Variants in OTOG observed in about 807,000 individuals in gnomAD.
OTOG encodes the protein otogelin.
Under a neutral mutation model 313.8 loss-of-function variants are expected in OTOG, and 296 were observed. That is an observed-to-expected ratio of 0.94 (90% CI 0.86 to 1.04). OTOG has a LOEUF of 1.04. OTOG is among the 50% of genes least tolerant of loss of function. The pLI, the probability that OTOG is intolerant of heterozygous loss-of-function variation, is 0.00. For missense variants in OTOG, 3,948 were observed against 3,840.1 expected (o/e 1.03, Z -0.74); for synonymous variants, 1,533 against 1,554.9 (o/e 0.99, Z 0.33).
Position 17,642,129 on chromosome 11 carries a change from C to T in OTOG, c.8298C>T (p.Pro2766=), listed in dbSNP as rs569159135. 3.7e-5 allele frequency: 57 copies of T among 1,541,434 alleles called. No individual in the cohort carries two copies. The highest frequency in any genetic ancestry group is 6.9e-5 in the African/African-American group (5 of 72,870). The part of the protein sequence containing the change: ...FPNGTTSLFL[P]GASWIADCAR... ...TTACCTACTTCTGTGCCCTCCAGCC[C>T]GGGGCATCCTGGATCGCAGACTGCG... The change falls in exon 53 of 56, where the codon CCC becomes CCT. Residue 2766 remains proline (P), a splice_region_variant and synonymous_variant. Coordinates refer to ENST00000399397, the MANE Select transcript of OTOG (RefSeq NM_001292063.2).
intron 18 of OTOG, among the ~76,000 whole-genome samples, 176 bp downstream of exon 18, chr11:17,572,380 A>G (rs1852424152): frequency 6.6e-6 from 1 of 152,212 alleles, no homozygotes; most frequent in South Asian, 2.1e-4. Flanking sequence ...GGCAGGCAGG[A>G]AGCCTCATAT....
At chr11:17,623,482 C>CT in intron 39 of OTOG, among the ~76,000 whole-genome samples, 1 of 152,254 alleles carries the variant, frequency 6.6e-6, no homozygotes, top group African/African-American at 2.4e-5. Context: ...TGATCTCATT[C>CT]TTTTTTATGG....
chr11:17,554,373 G>A (rs1852010088), intron 6 of OTOG, among the ~76,000 whole-genome samples: 1 of 152,228 alleles, frequency 6.6e-6, no homozygotes, highest in Admixed American at 6.5e-5. Context: ...CTGGATTGGT[G>A]CTCAGTAAAG....
At chr11:17,589,098 G>T (rs554388132) in intron 24 of OTOG, among the ~76,000 whole-genome samples, 1 of 151,960 alleles carries the variant, frequency 6.6e-6, no homozygotes, top group Non-Finnish European at 1.5e-5. Context: ...CACAACCCTG[G>T]TGACATCCAC....
At chr11:17,561,946 G>A (rs960252412) in intron 15 of OTOG, 139 bp downstream of exon 15, 1 of 1,069,532 alleles carries the variant, frequency 9.3e-7, no homozygotes, top group African/African-American at 1.6e-5. Flanking sequence ...GAGAAGACTG[G>A]ACTCCAGCCC....
chr11:17,612,761 A>G lies in OTOG; in HGVS notation c.6434A>G (p.Asn2145Ser), dbSNP rs1377809113. The G allele has an allele frequency of 1.9e-6, 3 of 1,550,288 alleles. No homozygotes were observed. The highest frequency in any genetic ancestry group is 1.2e-5 in the South Asian group (1 of 84,012). ...TVHVLDCKSA[N>S]LGHLNWPPFC... ...CATGTACTGGACTGCAAAAGTGCCAACCTGGTGCCTGCCCCATACCTCCCT... is the reference window on the plus strand; with the variant it reads ...CATGTACTGGACTGCAAAAGTGCCAGCCTGGTGCCTGCCCCATACCTCCCT... The change falls in exon 38 of 56, where the codon AAC (asparagine) becomes AGC (serine). Residue 2145 changes from asparagine to serine, a missense_variant. Physicochemically the swap from Asn to Ser is conservative, Grantham distance 46. Transcript: ENST00000399397.
chr11:17,596,877 C>T lies in OTOG; in HGVS notation c.3552C>T (p.Asn1184=). 6.4e-7 allele frequency: 1 copy of T among 1,551,168 alleles called. No homozygotes were observed. ...TTGATGTCACTTGGTTTTACTCAAA[C>T]TGCCTGACAGACACATGTGGCTGCA... is the stretch of plus-strand genomic sequence containing the variant. ...PVVDVTWFYS[N]CLTDTCGCSQ... is the part of the protein sequence containing the mutation. The change falls in exon 30 of 56, where the codon AAC becomes AAT. Residue 1184 remains asparagine, a synonymous_variant. Transcript: ENST00000399397.
intron 15 of OTOG, among the ~76,000 whole-genome samples, chr11:17,563,558 G>A (rs919629318): frequency 1.3e-5 from 2 of 152,182 alleles, no homozygotes; most frequent in Admixed American, 6.5e-5. Context: ...TCAAAAGTGG[G>A]GTCATTCCCA....
chr11:17,635,176 C>T lies in OTOG; in HGVS notation c.7682C>T (p.Ser2561Phe), dbSNP rs1253205639. The T allele has an allele frequency of 6.5e-7, 1 of 1,544,614 alleles. No individual in the cohort carries two copies. The highest frequency in any genetic ancestry group is 1.4e-5 in the African/African-American group (1 of 72,972). ...TGRLGDSCCT[S>F]YFCACGDCPD... ...CGCCTGGGGGACTCCTGCTGCACCTCCTACTTCTGCGGTGGGTCGCCGCCA... is the reference window on the plus strand; with the variant it reads ...CGCCTGGGGGACTCCTGCTGCACCTTCTACTTCTGCGGTGGGTCGCCGCCA... The change falls in exon 46 of 56, where the codon TCC becomes TTC. Residue 2561 changes from serine to phenylalanine, a missense_variant. Ser to Phe is a radical substitution (Grantham distance 155). Coordinates refer to ENST00000399397, the MANE Select transcript of OTOG (RefSeq NM_001292063.2).
rs778219508 is a variant in OTOG, at chr11:17,639,391, T to C, written c.7895-32T>C. On this transcript the variant is annotated intron_variant, in intron 48 of 55. Transcript: ENST00000399397. ...GGGATTCCTACCTGGACATCCCTGATGAAGTGGGGCCTGGCCCCTTGTGTT... is the reference window on the plus strand; with the variant it reads ...GGGATTCCTACCTGGACATCCCTGACGAAGTGGGGCCTGGCCCCTTGTGTT... 6 of 1,550,376 alleles carry C rather than the reference T, an allele frequency of 3.9e-6. 1 individual carries two copies. In the South Asian group the frequency reaches 5.9e-5, roughly 15 times the overall value.
rs1165286117 is a variant in OTOG at position 17,635,148 on chromosome 11, G to A, written c.7654G>A (p.Gly2552Ser). 2 of 1,548,100 alleles carry A rather than the reference G, an allele frequency of 1.3e-6. No homozygotes were observed. Among genetic ancestry groups the A allele is most frequent in the Non-Finnish European group, 1.7e-6 (2 of 1,146,694 alleles). ...SCRQDQILIT[G>S]RLGDSCCTSY... ...CCGACAGGACCAGATCCTGATCACGGGCCGCCTGGGGGACTCCTGCTGCAC... is the reference window on the plus strand; with the variant it reads ...CCGACAGGACCAGATCCTGATCACGAGCCGCCTGGGGGACTCCTGCTGCAC... The change falls in exon 46 of 56, where the codon GGC becomes AGC. Residue 2552 changes from glycine to serine, a missense_variant. Physicochemically the swap from Gly to Ser is moderately conservative, Grantham distance 56. Coordinates refer to ENST00000399397, the MANE Select transcript of OTOG (RefSeq NM_001292063.2).
chr11:17,559,130 G>T lies in OTOG; in HGVS notation c.1182G>T (p.Leu394Phe). The change falls in exon 11 of 56, where the codon TTG becomes TTT. Residue 394 changes from leucine to phenylalanine, a missense_variant. Transcript: ENST00000399397. The part of the protein sequence containing the change: ...ARACAQAGRP[L>F]QGWRTQLRQC... ...CGTGTGCCCAGGCAGGGCGGCCCTT[G>T]CAAGGCTGGAGGACCCAGCTCCGGC... is the stretch of plus-strand genomic sequence containing the variant. The T allele has an allele frequency of 6.5e-7, 1 of 1,541,576 alleles. No individual in the cohort carries two copies.
chr11:17,603,483 A>G (rs1474529344), intron 32 of OTOG, among the ~76,000 whole-genome samples: 1 of 151,988 alleles, frequency 6.6e-6, no homozygotes, highest in Non-Finnish European at 1.5e-5. Context: ...GCTAAGCAGA[A>G]CCCCGGAGTC....
At chr11:17,591,908 T>G (rs1852951724) in intron 25 of OTOG, among the ~76,000 whole-genome samples, 2 of 152,246 alleles carry the variant, frequency 1.3e-5, no homozygotes, top group African/African-American at 4.8e-5. Flanking sequence ...GAGCCATATT[T>G]TGTGGATTAT....
At chr11:17,549,228 TCCCC>T (rs1175447160) in intron 3 of OTOG, among the ~76,000 whole-genome samples, 1 of 152,008 alleles carries the variant, frequency 6.6e-6, no homozygotes, top group Non-Finnish European at 1.5e-5. Context: ...TGCAGCTAGG[TCCCC>T]CAAAGCAGCT....
rs1332148141 is a variant in OTOG at position 17,609,158 on chromosome 11, A to AC, written c.4309dup (p.Gln1437ProfsTer5). On this transcript the variant is annotated frameshift_variant, in exon 35 of 56. Coordinates refer to ENST00000399397, the MANE Select transcript of OTOG (RefSeq NM_001292063.2). LOFTEE classifies it high-confidence loss of function. ...AGAAGGCTGTGTCCCTGTGTGCCCC[A>AC]CCCCCCAGGTCCTGGATGAAGTCAC... is the stretch of plus-strand genomic sequence containing the variant. 2.6e-6 allele frequency: 4 copies of AC among 1,550,094 alleles called. No individual in the cohort carries two copies. The highest frequency in any genetic ancestry group is 3.5e-6 in the Non-Finnish European group (4 of 1,146,830).
intron 15 of OTOG, 103 bp downstream of exon 15, chr11:17,561,910 C>G: frequency 2.9e-6 from 4 of 1,382,354 alleles, no homozygotes; most frequent in Non-Finnish European, 3.9e-6. Context: ...TCCCATGGCC[C>G]CCACCTGCTG....
At chr11:17,578,944 G>A (rs571982649) in intron 23 of OTOG, among the ~76,000 whole-genome samples, 1 of 152,322 alleles carries the variant, frequency 6.6e-6, no homozygotes, top group South Asian at 2.1e-4. Context: ...GAGCCCTCAG[G>A]AGGAGGGCTA....
intron 47 of OTOG, among the ~76,000 whole-genome samples, chr11:17,636,764 T>A (rs773006689): frequency 2.0e-5 from 3 of 147,564 alleles, no homozygotes; most frequent in Non-Finnish European, 3.0e-5. Context: ...GGCAGCCTAG[T>A]CCTATGGATG....
Sources: gnomAD v4.1 joint callset for allele counts (sites outside exome capture counted in the v4.1 genomes callset) on GRCh38, gnomAD v4.1.1 for gene constraint, MANE v1.5 for transcripts, NCBI Gene and HGNC (gene_info 2026-07-23, HGNC 2026-07-21) for gene names.